The following ABCA12 variants were observed in gnomAD, a reference collection of about 807,000 sequenced individuals.
ABCA12 encodes glucosylceramide transporter ABCA12.
Under a neutral mutation model 293.5 loss-of-function variants are expected in ABCA12, and 156 were observed. The observed-to-expected ratio is 0.53, with a 90% CI of 0.47 to 0.61. The LOEUF is 0.61. Ranked by LOEUF, ABCA12 falls within the 20% of genes least tolerant of loss-of-function variation. The probability of loss-of-function intolerance (pLI) is 0.00; values close to 1 mark genes in which losing one functional copy is unlikely to be tolerated. For synonymous variants in ABCA12, 1,063 were observed against 1,108.0 expected, an observed-to-expected ratio of 0.96 and a Z score of 0.81; for missense variants, 2,797 against 3,090.2, an observed-to-expected ratio of 0.91 and a Z score of 2.25.
At chr2:215,010,712 G>A (rs1359505610) in intron 17 of ABCA12, among the ~76,000 whole-genome samples, 1 of 152,022 alleles carries the variant, frequency 6.6e-6, no homozygotes, top group Non-Finnish European at 1.5e-5. Context: ...TTTGCCAGGA[G>A]GAAATAGAAA....
chr2:214,970,462 A>G, intron 36 of ABCA12, 62 bp from the exon 37 acceptor site: 3 of 1,582,930 alleles, frequency 1.9e-6, no homozygotes, highest in African/African-American at 1.3e-5. Context: ...TAAATAGACA[A>G]TGTCAAGGAG....
chr2:214,989,302 A>G (rs113815366), intron 26 of ABCA12, 27 bp downstream of exon 26: 17 of 1,610,530 alleles, frequency 1.1e-5, no homozygotes, highest in African/African-American at 8.0e-5. Context: ...CATAAAAAGC[A>G]TGTATCTGTA....
chr2:215,007,663 A>T, intron 19 of ABCA12, 64 bp downstream of exon 19: 1 of 1,598,350 alleles, frequency 6.3e-7, no homozygotes, highest in Non-Finnish European at 8.6e-7. Flanking sequence ...TCACATATTG[A>T]AGGCAATTAA....
intron 2 of ABCA12, among the ~76,000 whole-genome samples, chr2:215,102,564 A>C (rs1303405016): frequency 6.6e-6 from 1 of 152,224 alleles, no homozygotes; most frequent in East Asian, 1.9e-4. Context: ...GCACCACTGC[A>C]TTCCAGTCTG....
intron 39 of ABCA12, among the ~76,000 whole-genome samples, chr2:214,961,117 G>A (rs1171446737): frequency 6.6e-6 from 1 of 152,042 alleles, no homozygotes; most frequent in Non-Finnish European, 1.5e-5. Context: ...TATTACAATG[G>A]TAGATCTCAT....
rs1304905543 is a variant in ABCA12, at chr2:215,019,851, A to G, written c.1288-55T>C. ...AGATTAGTTACATTTTTCTACATAT[A>G]TAGTAGTTGATAATAAGCAACCACA... On this transcript the variant is annotated intron_variant, in intron 11 of 52. Transcript: ENST00000272895. The G allele has an allele frequency of 5.7e-6, 9 of 1,584,842 alleles. No individual in the cohort carries two copies. In the Admixed American group the frequency reaches 1.0e-4, roughly 18 times the overall value.
intron 1 of ABCA12, among the ~76,000 whole-genome samples, chr2:215,118,040 T>A (rs2106135764): frequency 6.6e-6 from 1 of 152,340 alleles, no homozygotes; most frequent in East Asian, 1.9e-4. Context: ...CATTATATAT[T>A]TTGCCCCTAC....
In ABCA12 at chr2:214,968,786, C is replaced by A; in HGVS notation, c.5712G>T (p.Gly1904=). Residue 1904 remains glycine (G), a synonymous_variant, in exon 38 of 53, where the codon GGG becomes GGT. Transcript: ENST00000272895. ...VQKRYGGWSF[G]LPLTKDLRFD... The stretch of plus-strand genomic sequence containing the variant: ...AACGAAGGTCTTTTGTCAAAGGCAG[C>A]CCAAAACTCCAACCTCCATATCTAC... The A allele has an allele frequency of 1.2e-6, 2 of 1,613,152 alleles. No homozygotes were observed. The highest frequency in any genetic ancestry group is 1.7e-6 in the Non-Finnish European group (2 of 1,179,298).
rs1698068573 is a variant in ABCA12, at chr2:214,931,883, G to GCTGA, written c.*747_*750dup. 6.6e-6 allele frequency: 1 copy of GCTGA among 152,164 alleles called. No individual in the cohort carries two copies. Among genetic ancestry groups the GCTGA allele is most frequent in the South Asian group, 2.1e-4 (1 of 4,820 alleles). 9.4% of individuals were successfully genotyped at this position (152,164 alleles called of 1,614,324 possible). A position where few individuals can be genotyped will look rare whatever the true frequency, so the allele number is the denominator to read the frequency against. On this transcript the variant is annotated 3_prime_UTR_variant, in exon 53 of 53. Transcript: ENST00000272895. Reference sequence around the variant, plus strand: ...TCTTTTCAGGGTTTGTATCTACCCAGCTGACACACCCATTCCCCCCTCCCT... The same window carrying GCTGA: ...TCTTTTCAGGGTTTGTATCTACCCAGCTGACTGACACACCCATTCCCCCCTCCCT...
intron 52 of ABCA12, among the ~76,000 whole-genome samples, chr2:214,933,837 A>G (rs1047224058): frequency 1.3e-5 from 2 of 152,190 alleles, no homozygotes; most frequent in Non-Finnish European, 2.9e-5. Flanking sequence ...TTATGTATAC[A>G]TATAACTTTA....
At chr2:214,993,326 A>T (rs1216300886) in intron 23 of ABCA12, among the ~76,000 whole-genome samples, 1 of 152,256 alleles carries the variant, frequency 6.6e-6, no homozygotes, top group African/African-American at 2.4e-5. Context: ...AGCAAAGGTC[A>T]CTATGGAAAG....
At chr2:214,948,540 T>C in intron 47 of ABCA12, 56 bp downstream of exon 47, 1 of 1,588,088 alleles carries the variant, frequency 6.3e-7, no homozygotes, top group Non-Finnish European at 8.6e-7. Context: ...GGGTGGGGGA[T>C]GGAAGTAGAA....
At position 214,932,718 on chromosome 2, in the gene ABCA12, G is replaced by A; in HGVS notation, c.7704C>T (p.Asp2568=). Residue 2568 remains aspartate, a synonymous_variant, in exon 53 of 53, where the codon GAC becomes GAT. Transcript: ENST00000272895. Reference sequence around the variant, plus strand: ...TATCAGCAGTTTCATAGGACTTCTGGTCTTTGGCAAAGTTGATGAAAACCT... The same window carrying A: ...TATCAGCAGTTTCATAGGACTTCTGATCTTTGGCAAAGTTGATGAAAACCT... ...LEEVFINFAK[D]QKSYETADTS... 2 of 1,613,466 alleles carry A rather than the reference G, an allele frequency of 1.2e-6. No individual in the cohort carries two copies. Among genetic ancestry groups the A allele is most frequent in the Non-Finnish European group, 1.7e-6 (2 of 1,179,664 alleles).
At chr2:215,050,882 G>C in intron 5 of ABCA12, 2 of 869,806 alleles carry the variant, frequency 2.3e-6, no homozygotes, top group Non-Finnish European at 2.8e-6. Context: ...GCTGACATAG[G>C]CATCAATATA....
At chr2:214,968,027 T>C (rs1393275644) in intron 38 of ABCA12, among the ~76,000 whole-genome samples, 1 of 152,174 alleles carries the variant, frequency 6.6e-6, no homozygotes, top group Non-Finnish European at 1.5e-5. Flanking sequence ...TGGTTAAAGT[T>C]TCCAGGTTCT....
chr2:215,031,897 C>A lies in ABCA12; in HGVS notation c.986-1G>T. On this transcript the variant is annotated splice_acceptor_variant, in intron 8 of 52. Coordinates refer to ENST00000272895, the MANE Select transcript of ABCA12 (RefSeq NM_173076.3). LOFTEE classifies it high-confidence loss of function. ...ACATGCGTTATATTATCGGAGTCACCTGAAGTAATAATTTTTATATAGGTA... is the reference window on the plus strand; with the variant it reads ...ACATGCGTTATATTATCGGAGTCACATGAAGTAATAATTTTTATATAGGTA... 1 of 1,613,596 alleles carries A rather than the reference C, an allele frequency of 6.2e-7. No individual in the cohort carries two copies. The highest frequency in any genetic ancestry group is 8.5e-7 in the Non-Finnish European group (1 of 1,179,838).
chr2:215,105,823 A>C (rs896485512), intron 2 of ABCA12, among the ~76,000 whole-genome samples: 1 of 152,038 alleles, frequency 6.6e-6, no homozygotes. Flanking sequence ...TTCTAACCTG[A>C]AAGACTAACT....
Position 215,079,233 on chromosome 2 carries a change from G to T in ABCA12, c.164-15014C>A, listed in dbSNP as rs768189489. The stretch of plus-strand genomic sequence containing the variant: ...TAGAAAAGGTGAAAGATGCAAGAAG[G>T]TGCAATATAGCACACAAGAAAATCT... On this transcript the variant is annotated intron_variant, in intron 2 of 52. Coordinates refer to ENST00000272895, the MANE Select transcript of ABCA12 (RefSeq NM_173076.3). Among the ~76,000 whole-genome samples, 5 of 152,290 alleles carry T rather than the reference G, an allele frequency of 3.3e-5. No homozygotes were observed. The East Asian group carries it at 7.7e-4, about 23-fold the overall frequency.
chr2:215,034,298 G>A (rs79927281), intron 8 of ABCA12, among the ~76,000 whole-genome samples: 6,793 of 152,212 alleles, frequency 0.045, 481 homozygotes, highest in African/African-American at 0.15. Context: ...TTTATTAGCA[G>A]CTCTCTATTT....
Sources: gnomAD v4.1 joint callset for allele counts (sites outside exome capture counted in the v4.1 genomes callset) on GRCh38, gnomAD v4.1.1 for gene constraint, MANE v1.5 for transcripts, NCBI Gene and HGNC (gene_info 2026-07-23, HGNC 2026-07-21) for gene names.